Variants in BBS9 observed in about 807,000 individuals in gnomAD.
BBS9 encodes the protein Bardet-Biedl syndrome 9.
A neutral mutation model predicts 117.7 loss-of-function variants in BBS9; 89 were observed. That is an observed-to-expected ratio of 0.76 (90% CI 0.64 to 0.90). The LOEUF (loss-of-function observed/expected upper bound fraction) is 0.90, where lower values mean the gene tolerates loss of function less well. Among genes scored for constraint, BBS9 ranks in the 40% least tolerant of loss-of-function variants. The pLI, the probability that BBS9 is intolerant of heterozygous loss-of-function variation, is 0.00. For synonymous variants in BBS9, 379 were observed against 370.9 expected (o/e 1.02, Z -0.25); for missense variants, 982 against 1,042.2 (o/e 0.94, Z 0.80).
At chr7:33,247,921 T>G (rs556156030) in intron 5 of BBS9, among the ~76,000 whole-genome samples, 1 of 150,698 alleles carries the variant, frequency 6.6e-6, no homozygotes, top group African/African-American at 2.4e-5. Flanking sequence ...GCTAATTTAA[T>G]CAATGGTTGT....
intron 9 of BBS9, among the ~76,000 whole-genome samples, chr7:33,280,834 T>A (rs1801674168): frequency 6.6e-6 from 1 of 151,762 alleles, no homozygotes; most frequent in Non-Finnish European, 1.5e-5. Context: ...GAAACCGAAT[T>A]TATTAGCAAA....
At chr7:33,267,005 A>C (rs1798941023) in intron 7 of BBS9, among the ~76,000 whole-genome samples, 1 of 152,150 alleles carries the variant, frequency 6.6e-6, no homozygotes, top group Non-Finnish European at 1.5e-5. Flanking sequence ...GGCCTCCCAA[A>C]GTGCTAGGAT....
chr7:33,626,479 G>A (rs966463611), intron 21 of BBS9, among the ~76,000 whole-genome samples: 17 of 152,144 alleles, frequency 1.1e-4, no homozygotes, highest in Admixed American at 4.6e-4. Context: ...CAGTTTGGAG[G>A]GCTCAGAAGA....
intron 9 of BBS9, among the ~76,000 whole-genome samples, chr7:33,316,712 G>A (rs1810578152): frequency 1.3e-5 from 2 of 152,046 alleles, no homozygotes; most frequent in South Asian, 4.1e-4. Context: ...GTATATTCAT[G>A]TCTTTTGCCC....
chr7:33,564,138 T>G (rs1024877000), intron 21 of BBS9, among the ~76,000 whole-genome samples: 9 of 152,274 alleles, frequency 5.9e-5, no homozygotes, highest in African/African-American at 1.9e-4. Flanking sequence ...ATTGGCAAAT[T>G]GGAGAGAGAG....
intron 16 of BBS9, among the ~76,000 whole-genome samples, chr7:33,359,786 A>G (rs549675170): frequency 4.6e-5 from 7 of 152,068 alleles, no homozygotes; most frequent in Non-Finnish European, 8.8e-5. Context: ...ATGTCTTCCC[A>G]TTTGTTTATT....
chr7:33,527,141 C>T (rs1369903920), intron 20 of BBS9, among the ~76,000 whole-genome samples: 1 of 152,010 alleles, frequency 6.6e-6, no homozygotes, highest in East Asian at 1.9e-4. Flanking sequence ...AGAACCGCTG[C>T]TCTCTTCAAA....
At chr7:33,140,238 A>T (rs1269146112) in intron 1 of BBS9, among the ~76,000 whole-genome samples, 1 of 151,952 alleles carries the variant, frequency 6.6e-6, no homozygotes, top group Non-Finnish European at 1.5e-5. Context: ...GTTAGCCAGG[A>T]TGGTCTCGAT....
rs755229773 is a variant in BBS9, at chr7:33,243,001, G to A, written c.443-14235G>A. On this transcript the variant is annotated intron_variant, in intron 5 of 22. Transcript: ENST00000242067. The stretch of plus-strand genomic sequence containing the variant: ...AGCCTTAGGTCTCTCCACAGTAAAT[G>A]AGGACAATAATTCTTGACGTTCCCA... The A allele has an allele frequency of 1.5e-5, 8 of 518,378 alleles. 1 individual carries two copies. Among genetic ancestry groups the A allele is most frequent in the South Asian group, 9.8e-5 (7 of 71,510 alleles). 32.1% of individuals were successfully genotyped at this position (518,378 alleles called of 1,614,324 possible).
chr7:33,512,658 A>G (rs1847131321), intron 20 of BBS9, among the ~76,000 whole-genome samples: 1 of 152,202 alleles, frequency 6.6e-6, no homozygotes, highest in African/African-American at 2.4e-5. Context: ...TGAGTCTGCT[A>G]ATTACAAAGA....
chr7:33,134,215 AT>A (rs59609414), intron 1 of BBS9, among the ~76,000 whole-genome samples: 17,903 of 117,932 alleles, frequency 0.15, 854 homozygotes, highest in East Asian at 0.28. Context: ...ACGCCTGGCT[AT>A]TTTTTTTTTT....
intron 7 of BBS9, among the ~76,000 whole-genome samples, chr7:33,266,406 T>C (rs1330680977): frequency 6.6e-6 from 1 of 152,226 alleles, no homozygotes; most frequent in African/African-American, 2.4e-5. Flanking sequence ...TTTTTATTGA[T>C]TGATTTCTAT....
chr7:33,230,334 G>A (rs1462072313), intron 5 of BBS9, among the ~76,000 whole-genome samples: 1 of 152,122 alleles, frequency 6.6e-6, no homozygotes, highest in Non-Finnish European at 1.5e-5. Flanking sequence ...CAAGGCCAAT[G>A]TCCAGGAGCT....
In BBS9 at chr7:33,171,149, A is replaced by T. The variant is rs113078871; in HGVS notation, c.329-6329A>T. Among the ~76,000 whole-genome samples, 1,065 of 152,320 alleles carry T rather than the reference A, an allele frequency of 7.0e-3. 12 individuals are homozygous for T. Among genetic ancestry groups the T allele is most frequent in the African/African-American group, 0.022 (899 of 41,568 alleles). On this transcript the variant is annotated intron_variant, in intron 4 of 22. Transcript: ENST00000242067. ...AAAAAAGAGCCCGCATCGCCAAGTCAATCCCAAGCCAGAAGAACAAAGCTG... is the reference window on the plus strand; with the variant it reads ...AAAAAAGAGCCCGCATCGCCAAGTCTATCCCAAGCCAGAAGAACAAAGCTG...
intron 6 of BBS9, among the ~76,000 whole-genome samples, chr7:33,263,955 T>C (rs1371382536): frequency 1.3e-5 from 2 of 152,084 alleles, no homozygotes; most frequent in Non-Finnish European, 2.9e-5. Context: ...ATTTACATTT[T>C]TTTCTGTCTA....
rs534944250 is a variant in BBS9 at position 33,139,184 on chromosome 7, G to A, written c.-11-7058G>A. ...GGAGAATTGCTTGAACCCAGGAAGT[G>A]GAGGTTGCGGTGAGCTGAGATTGTG... is the stretch of plus-strand genomic sequence containing the variant. On this transcript the variant is annotated intron_variant, in intron 1 of 22. Transcript: ENST00000242067. 1.3e-5 allele frequency among the ~76,000 whole-genome samples: 2 copies of A among 151,344 alleles called. 1 individual carries two copies. The highest frequency in any genetic ancestry group is 4.4e-4 in the East Asian group (2 of 4,546).
chr7:33,341,595 G>A (rs966304737), intron 11 of BBS9, among the ~76,000 whole-genome samples: 40 of 151,360 alleles, frequency 2.6e-4, no homozygotes, highest in Non-Finnish European at 5.3e-4. Context: ...TGTTATGATT[G>A]TCATTATCAT....
At chr7:33,372,116 A>G (rs541846300) in intron 17 of BBS9, among the ~76,000 whole-genome samples, 2 of 152,260 alleles carry the variant, frequency 1.3e-5, no homozygotes, top group East Asian at 1.9e-4. Flanking sequence ...AAAAAATAAA[A>G]GGGAAAAAAA....
chr7:33,177,377 A>T, intron 4 of BBS9, 101 bp from the exon 5 acceptor site: 1 of 799,698 alleles, frequency 1.3e-6, no homozygotes, highest in Non-Finnish European at 2.1e-6. Context: ...TTGCCATTAT[A>T]ATTTCCCTAA....
Sources: gnomAD v4.1 joint callset for allele counts (sites outside exome capture counted in the v4.1 genomes callset) on GRCh38, gnomAD v4.1.1 for gene constraint, MANE v1.5 for transcripts, NCBI Gene and HGNC (gene_info 2026-07-23, HGNC 2026-07-21) for gene names.